Variants in MCTP2 observed in about 807,000 individuals in gnomAD.
MCTP2 encodes the protein multiple C2 and transmembrane domain-containing protein 2.
MCTP2 carries 132 observed loss-of-function variants against 111.6 expected under a neutral mutation model. The ratio of observed to expected loss-of-function variants is 1.18; its 90% CI spans 1.03 to 1.37. The LOEUF is 1.37. Ranked by LOEUF, MCTP2 falls within the 40% of genes most tolerant of loss-of-function variation. MCTP2 has a pLI of 0.00. For synonymous variants in MCTP2, 395 were observed against 387.7 expected (o/e 1.02, Z -0.22); for missense variants, 1,183 against 1,067.9 (o/e 1.11, Z -1.50).
intron 1 of MCTP2, among the ~76,000 whole-genome samples, chr15:94,243,614 T>G (rs893257079): frequency 4.7e-5 from 7 of 149,942 alleles, no homozygotes; most frequent in Non-Finnish European, 7.4e-5. Flanking sequence ...TACACGCATA[T>G]GTGTATATAC....
chr15:94,450,465 T>G (rs2084376604), intron 19 of MCTP2, among the ~76,000 whole-genome samples: 1 of 152,252 alleles, frequency 6.6e-6, no homozygotes, highest in Non-Finnish European at 1.5e-5. Context: ...AGAATAATTT[T>G]TAATTTCATG....
intron 1 of MCTP2, among the ~76,000 whole-genome samples, chr15:94,287,076 T>C (rs552585061): frequency 6.6e-6 from 1 of 152,360 alleles, no homozygotes; most frequent in Non-Finnish European, 1.5e-5. Context: ...GCAAACAATA[T>C]AATATTCAGA....
chr15:94,360,987 C>T (rs371905557), intron 10 of MCTP2, among the ~76,000 whole-genome samples: 9 of 148,098 alleles, frequency 6.1e-5, no homozygotes, highest in Middle Eastern at 3.7e-3. Context: ...GGTAAAATAT[C>T]GACTGCTTCT....
chr15:94,449,448 A>G (rs945236704), intron 19 of MCTP2, among the ~76,000 whole-genome samples: 2 of 152,182 alleles, frequency 1.3e-5, no homozygotes, highest in Admixed American at 1.3e-4. Context: ...CTTATTTTTG[A>G]CCATGCTCCG....
At chr15:94,455,448 T>C (rs985652715) in intron 19 of MCTP2, among the ~76,000 whole-genome samples, 2 of 151,944 alleles carry the variant, frequency 1.3e-5, no homozygotes, top group Non-Finnish European at 2.9e-5. Flanking sequence ...TTCTGTTGTT[T>C]TTTTTTTTTA....
intron 1 of MCTP2, among the ~76,000 whole-genome samples, chr15:94,248,963 A>G (rs565623488): frequency 4.3e-4 from 65 of 152,346 alleles, no homozygotes; most frequent in African/African-American, 1.4e-3. Context: ...CCTTTATAGA[A>G]AAGCAGAAAT....
intron 17 of MCTP2, among the ~76,000 whole-genome samples, chr15:94,413,896 A>G (rs887549588): frequency 2.0e-5 from 3 of 152,150 alleles, no homozygotes; most frequent in Admixed American, 6.6e-5. Context: ...TTAAGGTTCA[A>G]GAGTTTTTAA....
At chr15:94,397,475 C>A (rs1159632056) in intron 14 of MCTP2, among the ~76,000 whole-genome samples, 3 of 152,218 alleles carry the variant, frequency 2.0e-5, no homozygotes, top group African/African-American at 7.2e-5. Flanking sequence ...TTTCTTTCAA[C>A]TTTAACATCC....
Position 94,458,236 on chromosome 15 carries a change from A to G in MCTP2, c.2350A>G (p.Arg784Gly). Residue 784 changes from arginine to glycine, a missense_variant, in exon 20 of 23, where the codon AGG (arginine) becomes GGG (glycine). By Grantham distance (125) the Arg-to-Gly change is moderately radical. Transcript: ENST00000357742. Reference sequence around the variant, plus strand: ...GGAGGAAATAGCTTCTTTTGGAGAAAGGATTAAGAAGTAAGTTCTAAATTT... The same window carrying G: ...GGAGGAAATAGCTTCTTTTGGAGAAGGGATTAAGAAGTAAGTTCTAAATTT... ...VLEEIASFGE[R>G]IKNTFNWTVP... 6.3e-7 allele frequency: 1 copy of G among 1,591,080 alleles called. No individual in the cohort carries two copies. Among genetic ancestry groups the G allele is most frequent in the South Asian group, 1.1e-5 (1 of 90,600 alleles).
intron 17 of MCTP2, among the ~76,000 whole-genome samples, chr15:94,426,601 T>C (rs947537538): frequency 6.6e-6 from 1 of 152,180 alleles, no homozygotes; most frequent in African/African-American, 2.4e-5. Flanking sequence ...CATGAACATA[T>C]GGATTATAAT....
At chr15:94,430,844 CATT>C (rs1207266823) in intron 17 of MCTP2, among the ~76,000 whole-genome samples, 3 of 152,220 alleles carry the variant, frequency 2.0e-5, no homozygotes, top group African/African-American at 4.8e-5. Flanking sequence ...TGCCTGGAAA[CATT>C]ATTCACCTAG....
At chr15:94,395,095 A>C (rs2081212567) in intron 14 of MCTP2, among the ~76,000 whole-genome samples, 1 of 152,208 alleles carries the variant, frequency 6.6e-6, no homozygotes, top group Admixed American at 6.5e-5. Context: ...GCCTGATTCC[A>C]AGTGGTGACA....
rs748897863 is a variant in MCTP2 at position 94,356,141 on chromosome 15, C to G, written c.1010C>G (p.Ser337Cys). The change falls in exon 9 of 23, where the codon TCT becomes TGT. Residue 337 changes from serine to cysteine, a missense_variant. Transcript: ENST00000357742. ...CATCTTTATTTTTTGCTTTAGTCCT[C>G]TTTGATACGCAACCTACGGCTCTCT... ...NRKRLSASKS[S>C]LIRNLRLSES... is the part of the protein sequence containing the mutation. 1 of 1,591,234 alleles carries G rather than the reference C, an allele frequency of 6.3e-7. No individual in the cohort carries two copies. The highest frequency in any genetic ancestry group is 2.3e-5 in the East Asian group (1 of 43,908).
chr15:94,290,423 T>C (rs555854209), intron 1 of MCTP2, among the ~76,000 whole-genome samples: 1 of 152,266 alleles, frequency 6.6e-6, no homozygotes, highest in Non-Finnish European at 1.5e-5. Flanking sequence ...TACAGAGATA[T>C]AGTCAAAATC....
intron 20 of MCTP2, among the ~76,000 whole-genome samples, chr15:94,463,883 G>C (rs557118480): frequency 2.0e-4 from 30 of 151,962 alleles, no homozygotes; most frequent in African/African-American, 7.0e-4. Context: ...TATTTTGATT[G>C]GTTTTCAAAT....
chr15:94,279,182 A>C (rs1239471020), intron 1 of MCTP2, among the ~76,000 whole-genome samples: 1 of 152,166 alleles, frequency 6.6e-6, no homozygotes, highest in Non-Finnish European at 1.5e-5. Flanking sequence ...TAGGAATAGC[A>C]TTGAATCTGT....
chr15:94,383,973 C>A, intron 12 of MCTP2, 49 bp from the exon 13 acceptor site: 2 of 1,325,914 alleles, frequency 1.5e-6, no homozygotes, highest in South Asian at 1.2e-5. Context: ...TGCCCTTGTC[C>A]CTTTCGAGAT....
At chr15:94,455,217 C>T (rs148977653) in intron 19 of MCTP2, among the ~76,000 whole-genome samples, 1 of 152,282 alleles carries the variant, frequency 6.6e-6, no homozygotes, top group East Asian at 1.9e-4. Flanking sequence ...AAGGCATTTA[C>T]TTTTCAGCAT....
At chr15:94,387,118 T>C (rs1168166277) in intron 14 of MCTP2, among the ~76,000 whole-genome samples, 4 of 143,014 alleles carry the variant, frequency 2.8e-5, no homozygotes, top group Admixed American at 6.8e-5. Flanking sequence ...TCTCCTCCCT[T>C]CCTCCTTCCT....
Sources: gnomAD v4.1 joint callset for allele counts (sites outside exome capture counted in the v4.1 genomes callset) on GRCh38, gnomAD v4.1.1 for gene constraint, MANE v1.5 for transcripts, NCBI Gene and HGNC (gene_info 2026-07-23, HGNC 2026-07-21) for gene names.